The following TCF7L1 variants were observed in gnomAD, a reference collection of about 807,000 sequenced individuals.
The protein encoded by TCF7L1 is transcription factor 7-like 1.
TCF7L1 carries 18 observed loss-of-function variants against 63.7 expected under a neutral mutation model. The observed-to-expected ratio is 0.28, with a 90% CI of 0.20 to 0.42. The LOEUF is 0.42. Ranked by LOEUF, TCF7L1 falls within the 10% of genes least tolerant of loss-of-function variation. The pLI is 1.00. For synonymous variants in TCF7L1, 355 were observed against 340.9 expected (o/e 1.04, Z -0.46); for missense variants, 654 against 779.3 (o/e 0.84, Z 1.91).
rs555571170 is a variant in TCF7L1 at position 85,243,494 on chromosome 2, C to G, written c.442-40001C>G. ...GGGAAGGGGAACATGCCCAGCGACT[C>G]CACGTGGGGAAGTTGCATTTCCACA... On this transcript the variant is annotated intron_variant, in intron 3 of 11. Coordinates refer to ENST00000282111, the MANE Select transcript of TCF7L1 (RefSeq NM_031283.3). Among the ~76,000 whole-genome samples the G allele has an allele frequency of 2.0e-5, 3 of 148,328 alleles. No homozygotes were observed. The South Asian group carries it at 6.2e-4, about 31-fold the overall frequency.
intron 3 of TCF7L1, among the ~76,000 whole-genome samples, chr2:85,195,198 A>G (rs1480790097): frequency 6.6e-6 from 1 of 152,250 alleles, no homozygotes; most frequent in Admixed American, 6.5e-5. Context: ...TAAAGTCAGG[A>G]TAATAACAGT....
intron 3 of TCF7L1, among the ~76,000 whole-genome samples, chr2:85,218,693 C>G (rs915736773): frequency 6.6e-6 from 1 of 151,678 alleles, no homozygotes; most frequent in Non-Finnish European, 1.5e-5. Context: ...GCATTTTTTC[C>G]TCTAGGAGAG....
intron 4 of TCF7L1, among the ~76,000 whole-genome samples, chr2:85,284,779 G>C (rs926673156): frequency 4.6e-5 from 7 of 152,162 alleles, no homozygotes; most frequent in African/African-American, 1.7e-4. Flanking sequence ...GGGCTTCTAT[G>C]ATGTTTATTA....
At chr2:85,172,796 G>A (rs950736589) in intron 3 of TCF7L1, among the ~76,000 whole-genome samples, 6 of 151,716 alleles carry the variant, frequency 4.0e-5, no homozygotes, top group East Asian at 1.9e-4. Context: ...TAGTTTAACC[G>A]TCACCTCCTC....
chr2:85,232,072 T>C (rs1417928795), intron 3 of TCF7L1, among the ~76,000 whole-genome samples: 2 of 152,232 alleles, frequency 1.3e-5, no homozygotes, highest in Non-Finnish European at 2.9e-5. Context: ...CAGATCTTCA[T>C]CATGTTTCCT....
chr2:85,137,096 G>A (rs1677613227), intron 3 of TCF7L1, among the ~76,000 whole-genome samples: 1 of 152,186 alleles, frequency 6.6e-6, no homozygotes. Context: ...CTAAGGCCTA[G>A]AGGTAGTATA....
At chr2:85,257,411 C>G (rs1033597942) in intron 3 of TCF7L1, among the ~76,000 whole-genome samples, 9 of 152,216 alleles carry the variant, frequency 5.9e-5, no homozygotes, top group Admixed American at 5.2e-4. Flanking sequence ...CTCGGACTGC[C>G]CACTGGAGTG....
At chr2:85,159,120 C>T (rs1678222365) in intron 3 of TCF7L1, among the ~76,000 whole-genome samples, 1 of 152,180 alleles carries the variant, frequency 6.6e-6, no homozygotes, top group Non-Finnish European at 1.5e-5. Flanking sequence ...TAGAAGCAGG[C>T]TCCAGCTTCA....
At chr2:85,214,063 G>A (rs1489518004) in intron 3 of TCF7L1, among the ~76,000 whole-genome samples, 1 of 152,174 alleles carries the variant, frequency 6.6e-6, no homozygotes, top group Non-Finnish European at 1.5e-5. Context: ...GGATGATCGG[G>A]GAGTGCCATG....
At chr2:85,194,789 C>T (rs554134698) in intron 3 of TCF7L1, among the ~76,000 whole-genome samples, 2 of 152,136 alleles carry the variant, frequency 1.3e-5, no homozygotes, top group Non-Finnish European at 2.9e-5. Flanking sequence ...AGCAGAATCC[C>T]CCTCAAGTTC....
intron 3 of TCF7L1, among the ~76,000 whole-genome samples, chr2:85,232,770 T>C (rs1268750801): frequency 1.3e-5 from 2 of 152,190 alleles, no homozygotes; most frequent in Admixed American, 6.5e-5. Context: ...TTTATACTTA[T>C]CCACGCAGTG....
chr2:85,305,944 C>T (rs973905104), intron 8 of TCF7L1, among the ~76,000 whole-genome samples: 3 of 152,174 alleles, frequency 2.0e-5, no homozygotes, highest in African/African-American at 7.2e-5. Flanking sequence ...GAGCTCATCT[C>T]AGCAACCCCA....
At chr2:85,262,671 A>G (rs1233089625) in intron 3 of TCF7L1, among the ~76,000 whole-genome samples, 1 of 152,238 alleles carries the variant, frequency 6.6e-6, no homozygotes, top group African/African-American at 2.4e-5. Context: ...CCCATCATAT[A>G]CATGGGGGAT....
intron 3 of TCF7L1, among the ~76,000 whole-genome samples, chr2:85,205,762 C>G (rs1168972971): frequency 2.0e-5 from 3 of 152,208 alleles, no homozygotes. Context: ...CTCAAGTGAT[C>G]TACCTGCCTT....
intron 3 of TCF7L1, among the ~76,000 whole-genome samples, chr2:85,246,664 G>A (rs1168680223): frequency 1.3e-5 from 2 of 152,204 alleles, no homozygotes; most frequent in Non-Finnish European, 1.5e-5. Context: ...CCTCTGACAA[G>A]TGTACTCATG....
At chr2:85,142,185 G>A (rs1677752213) in intron 3 of TCF7L1, among the ~76,000 whole-genome samples, 1 of 152,106 alleles carries the variant, frequency 6.6e-6, no homozygotes, top group South Asian at 2.1e-4. Flanking sequence ...CCAACACTTT[G>A]GGAGGCCAAG....
At chr2:85,194,651 G>A (rs1679113790) in intron 3 of TCF7L1, among the ~76,000 whole-genome samples, 2 of 152,134 alleles carry the variant, frequency 1.3e-5, no homozygotes, top group African/African-American at 4.8e-5. Context: ...GCCCCCAGGT[G>A]CCCTTGAGCC....
At chr2:85,159,296 G>A (rs753031810) in intron 3 of TCF7L1, among the ~76,000 whole-genome samples, 5 of 152,068 alleles carry the variant, frequency 3.3e-5, no homozygotes, top group South Asian at 2.1e-4. Context: ...CCAGGCGCCC[G>A]GGGCTCCCTG....
intron 6 of TCF7L1, 29 bp downstream of exon 6, chr2:85,304,026 T>C (rs774932455): frequency 7.6e-7 from 1 of 1,315,872 alleles, no homozygotes; most frequent in East Asian, 3.0e-5. Context: ...CTCTTCCCCC[T>C]GCTCCCTCCT....
Sources: allele counts gnomAD v4.1 joint callset (sites outside exome capture counted in the v4.1 genomes callset), GRCh38; gene constraint gnomAD v4.1.1; transcripts MANE v1.5; gene names NCBI Gene and HGNC (gene_info 2026-07-23, HGNC 2026-07-21).